Variants in NADSYN1 observed in about 807,000 individuals in gnomAD.
NADSYN1 encodes the protein NAD synthetase 1, also known as glutamine-dependent NAD(+) synthetase.
NADSYN1 carries 80 observed loss-of-function variants against 99.3 expected under a neutral mutation model. The ratio of observed to expected loss-of-function variants is 0.81; its 90% CI spans 0.67 to 0.97. The LOEUF is 0.97. Among genes scored for constraint, NADSYN1 ranks in the 50% least tolerant of loss-of-function variants. The probability of loss-of-function intolerance (pLI) is 0.00; values close to 1 mark genes in which losing one functional copy is unlikely to be tolerated. For missense variants in NADSYN1, 859 were observed against 948.5 expected (o/e 0.91, Z 1.24); for synonymous variants, 385 against 372.1 (o/e 1.03, Z -0.40).
chr11:71,489,165 A>G lies in NADSYN1; in HGVS notation c.1563-1680A>G, dbSNP rs141582197. 2.5e-3 allele frequency among the ~76,000 whole-genome samples: 373 copies of G among 151,946 alleles called. 4 individuals are homozygous for G. Among genetic ancestry groups the G allele is most frequent in the African/African-American group, 8.4e-3 (349 of 41,400 alleles). On this transcript the variant is annotated intron_variant, in intron 16 of 20. Coordinates refer to ENST00000319023, the MANE Select transcript of NADSYN1 (RefSeq NM_018161.5). ...TTGAAGTTAGGCTTCTAACAACATG[A>G]TTTCAGCTGATGGAAGTGACCAGCC...
intron 9 of NADSYN1, chr11:71,476,332 A>C (rs1949665321): frequency 1.4e-5 from 5 of 354,952 alleles, no homozygotes; most frequent in Non-Finnish European, 2.2e-5. Context: ...TTGCAGGAGC[A>C]GGGCGAGCTT....
At chr11:71,480,206 T>TG (rs1233323482) in intron 10 of NADSYN1, 1 of 152,630 alleles carries the variant, frequency 6.6e-6, no homozygotes, top group Non-Finnish European at 1.5e-5. Context: ...ACCCTTGCTG[T>TG]GAACTACCAT....
intron 3 of NADSYN1, among the ~76,000 whole-genome samples, chr11:71,462,647 T>C (rs1278460515): frequency 6.6e-6 from 1 of 152,222 alleles, no homozygotes; most frequent in African/African-American, 2.4e-5. Context: ...TCAGATACTT[T>C]TGGGTTCACA....
chr11:71,474,336 T>C, intron 8 of NADSYN1, 59 bp from the exon 9 acceptor site: 1 of 1,607,352 alleles, frequency 6.2e-7, no homozygotes, highest in East Asian at 2.2e-5. Context: ...CTTGGGCAGG[T>C]GGCAGGTGAG....
intron 2 of NADSYN1, among the ~76,000 whole-genome samples, chr11:71,457,509 G>T (rs573041397): frequency 6.6e-6 from 1 of 152,224 alleles, no homozygotes; most frequent in Non-Finnish European, 1.5e-5. Context: ...CCCAGCCTTC[G>T]CATTTAATGA....
rs535588656 is a variant in NADSYN1 at position 71,478,454 on chromosome 11, A to G, written c.858A>G (p.Ser286=). The change falls in exon 10 of 21, where the codon TCA becomes TCG. Residue 286 remains serine, a synonymous_variant. Coordinates refer to ENST00000319023, the MANE Select transcript of NADSYN1 (RefSeq NM_018161.5). ...EDVRSYRAEI[S]SRNLAASRAS... is the part of the protein sequence containing the mutation. ...TCCGGAGCTACAGGGCGGAGATTTC[A>G]TCTCGAAACCTGGCGGTGAGTGCTC... The G allele has an allele frequency of 6.8e-6, 11 of 1,607,334 alleles. No homozygotes were observed. The highest frequency in any genetic ancestry group is 4.5e-5 in the South Asian group (4 of 89,390).
At chr11:71,466,320 A>G (rs1949589221) in intron 5 of NADSYN1, among the ~76,000 whole-genome samples, 1 of 152,034 alleles carries the variant, frequency 6.6e-6, no homozygotes, top group Admixed American at 6.5e-5. Context: ...CCCCATCCTC[A>G]GCCTCTAGAC....
At chr11:71,462,952 G>A (rs1040050137) in intron 3 of NADSYN1, among the ~76,000 whole-genome samples, 2 of 152,228 alleles carry the variant, frequency 1.3e-5, no homozygotes, top group African/African-American at 2.4e-5. Context: ...GGGTGTTGGC[G>A]AGGTGATGGG....
chr11:71,453,589 G>A (rs1290795591), intron 1 of NADSYN1, among the ~76,000 whole-genome samples: 2 of 152,218 alleles, frequency 1.3e-5, no homozygotes, highest in African/African-American at 4.8e-5. Context: ...TCCCGGGGAC[G>A]AGCGATATAC....
At chr11:71,457,284 C>A (rs1949520546) in intron 2 of NADSYN1, among the ~76,000 whole-genome samples, 1 of 152,252 alleles carries the variant, frequency 6.6e-6, no homozygotes, top group Non-Finnish European at 1.5e-5. Context: ...CTGGGCTTTT[C>A]CTCTTAGCAG....
At chr11:71,466,289 T>G (rs1333860174) in intron 5 of NADSYN1, among the ~76,000 whole-genome samples, 1 of 152,154 alleles carries the variant, frequency 6.6e-6, no homozygotes, top group Non-Finnish European at 1.5e-5. Flanking sequence ...ACTCAGCCAC[T>G]TGGACTTTCA....
At chr11:71,473,434 T>C (rs968549961) in intron 7 of NADSYN1, 68 bp downstream of exon 7, 13 of 1,569,952 alleles carry the variant, frequency 8.3e-6, no homozygotes, top group Admixed American at 3.3e-5. Context: ...GACCTGGGAC[T>C]GCAGACGTCC....
Position 71,463,434 on chromosome 11 carries a change from C to T in NADSYN1, c.266C>T (p.Pro89Leu). ...TQDIICDVGM[P>L]VMHRNVRYNC... ...TGTACCTCCCCTCTCTCCTGCAGGC[C>T]TGTAATGCACCGAAACGTCCGCTAC... Residue 89 changes from proline to leucine, a missense_variant and splice_region_variant, in exon 4 of 21, where the codon CCT becomes CTT. Pro to Leu is a moderately conservative substitution (Grantham distance 98, BLOSUM62 -3). Coordinates refer to ENST00000319023, the MANE Select transcript of NADSYN1 (RefSeq NM_018161.5). 6.2e-7 allele frequency: 1 copy of T among 1,613,986 alleles called. No homozygotes were observed. Among genetic ancestry groups the T allele is most frequent in the Non-Finnish European group, 8.5e-7 (1 of 1,179,892 alleles).
intron 4 of NADSYN1, 85 bp downstream of exon 4, chr11:71,463,570 C>A: frequency 7.6e-7 from 1 of 1,318,030 alleles, no homozygotes; most frequent in Non-Finnish European, 1.1e-6. Flanking sequence ...CGTGCTGGTG[C>A]CCTGGGGACC....
In NADSYN1 at chr11:71,498,582, G is replaced by A. The variant is rs1003156750; in HGVS notation, c.2070+54G>A. On this transcript the variant is annotated intron_variant, in intron 20 of 20. Coordinates refer to ENST00000319023, the MANE Select transcript of NADSYN1 (RefSeq NM_018161.5). ...CATGTTTCATGTCTGTAGAAGAAACGTGAGGTTATTTCCATGAAGGATTGA... is the reference window on the plus strand; with the variant it reads ...CATGTTTCATGTCTGTAGAAGAAACATGAGGTTATTTCCATGAAGGATTGA... 71 of 1,582,738 alleles carry A rather than the reference G, an allele frequency of 4.5e-5. No individual in the cohort carries two copies. In the East Asian group the frequency reaches 1.3e-3, roughly 29 times the overall value.
chr11:71,458,252 A>G (rs1949525978), intron 2 of NADSYN1, among the ~76,000 whole-genome samples, 176 bp from the exon 3 acceptor site: 1 of 152,210 alleles, frequency 6.6e-6, no homozygotes, highest in African/African-American at 2.4e-5. Context: ...AGTACGGCAC[A>G]TCTGGCTGCG....
At position 71,458,037 on chromosome 11, in the gene NADSYN1, G is replaced by A. The variant is rs56855873; in HGVS notation, c.147-391G>A. 2.7e-3 allele frequency among the ~76,000 whole-genome samples: 417 copies of A among 152,266 alleles called. 10 individuals carry two copies. The East Asian group carries it at 0.06, about 22-fold the overall frequency. On this transcript the variant is annotated intron_variant, in intron 2 of 20. Coordinates refer to ENST00000319023, the MANE Select transcript of NADSYN1 (RefSeq NM_018161.5). ...GCTTTGTGGGTGGTTTTTCTGAATG[G>A]TTATTAGTGATCTTCTTTGCCAAAG...
intron 10 of NADSYN1, 177 bp downstream of exon 10, chr11:71,478,646 C>G: frequency 1.6e-6 from 1 of 607,760 alleles, no homozygotes; most frequent in South Asian, 1.8e-5. Context: ...CTGCTTCCAT[C>G]TGTTCCCCGT....
Position 71,473,265 on chromosome 11 carries a change from C to A in NADSYN1, c.460-13C>A, listed in dbSNP as rs374332113. On this transcript the variant is annotated splice_polypyrimidine_tract_variant and intron_variant, in intron 6 of 20. Transcript: ENST00000319023. The stretch of plus-strand genomic sequence containing the variant: ...GCTAGTGAATCTCATGCACTCTTCT[C>A]TTCCGACTGCAGGAAACCGTACCCT... 7.4e-6 allele frequency: 12 copies of A among 1,613,256 alleles called. No individual in the cohort carries two copies. In the African/African-American group the frequency reaches 1.6e-4, roughly 22 times the overall value.
Sources: gnomAD v4.1 joint callset for allele counts (sites outside exome capture counted in the v4.1 genomes callset) on GRCh38, gnomAD v4.1.1 for gene constraint, MANE v1.5 for transcripts, NCBI Gene and HGNC (gene_info 2026-07-23, HGNC 2026-07-21) for gene names.